ZNF532: variants seen among roughly 807,000 people sequenced by gnomAD.
ZNF532 encodes the protein zinc finger protein 532.
Under a neutral mutation model 89.3 loss-of-function variants are expected in ZNF532, and 22 were observed. The ratio of observed to expected loss-of-function variants is 0.25; its 90% confidence interval spans 0.18 to 0.35. The LOEUF is 0.35. ZNF532 is among the 10% of genes least tolerant of loss of function. ZNF532 has a pLI of 1.00. For synonymous variants in ZNF532, 606 were observed against 649.6 expected (o/e 0.93, Z 1.02); for missense variants, 1,132 against 1,643.4 (o/e 0.69, Z 5.38).
chr18:58,951,131 T>C (rs2064121957), intron 6 of ZNF532, among the ~76,000 whole-genome samples: 1 of 152,052 alleles, frequency 6.6e-6, no homozygotes, highest in South Asian at 2.1e-4. Context: ...GATTTTTGTA[T>C]TTTGTATTTT....
intron 7 of ZNF532, among the ~76,000 whole-genome samples, chr18:58,965,212 T>C (rs990243613): frequency 9.2e-5 from 14 of 152,232 alleles, no homozygotes; most frequent in East Asian, 1.9e-4. Flanking sequence ...TATTGAACTA[T>C]TGGTGATTTT....
At position 58,920,428 on chromosome 18, in the gene ZNF532, A is replaced by G. The variant is rs1359298255; in HGVS notation, c.2141A>G (p.His714Arg). The G allele has an allele frequency of 6.2e-7, 1 of 1,613,926 alleles. No individual in the cohort carries two copies. The highest frequency in any genetic ancestry group is 8.5e-7 in the Non-Finnish European group (1 of 1,179,858). ...CAGAGCCCTGTGGGAGCTGGCACAC[A>G]CACTGTCACAAAAATTCAGTCTGGC... ...TLQSPVGAGT[H>R]TVTKIQSGIT... Residue 714 changes from histidine to arginine, a missense_variant, in exon 3 of 10, where the codon CAC becomes CGC. Physicochemically the swap from His to Arg is conservative, Grantham distance 29. Coordinates refer to ENST00000591808, the MANE Select transcript of ZNF532 (RefSeq NM_001375912.1).
chr18:58,930,419 G>T (rs1261863779), intron 3 of ZNF532, among the ~76,000 whole-genome samples: 1 of 152,134 alleles, frequency 6.6e-6, no homozygotes, highest in Non-Finnish European at 1.5e-5. Context: ...CTGAGCTCAG[G>T]AGTTCGAGAC....
chr18:58,944,555 C>G (rs1181585311), intron 5 of ZNF532, among the ~76,000 whole-genome samples: 1 of 152,138 alleles, frequency 6.6e-6, no homozygotes, highest in Non-Finnish European at 1.5e-5. Flanking sequence ...TCACTGTTTC[C>G]TAGCACACGG....
chr18:58,944,309 C>T (rs2063468159), intron 5 of ZNF532, among the ~76,000 whole-genome samples: 1 of 152,124 alleles, frequency 6.6e-6, no homozygotes, highest in African/African-American at 2.4e-5. Context: ...TTGGTTTTAG[C>T]TTTTTATTCT....
At chr18:58,976,965 A>C (rs1234141137) in intron 7 of ZNF532, among the ~76,000 whole-genome samples, 1 of 152,228 alleles carries the variant, frequency 6.6e-6, no homozygotes, top group Admixed American at 6.5e-5. Flanking sequence ...TTGCTGCATA[A>C]ATGCTAATCC....
intron 2 of ZNF532, among the ~76,000 whole-genome samples, chr18:58,880,505 A>G (rs1287107228): frequency 6.6e-6 from 1 of 152,184 alleles, no homozygotes; most frequent in Non-Finnish European, 1.5e-5. Flanking sequence ...GCCAGAGTGG[A>G]TGAGCTCTTT....
At chr18:58,965,541 C>T (rs2065835962) in intron 7 of ZNF532, among the ~76,000 whole-genome samples, 1 of 152,202 alleles carries the variant, frequency 6.6e-6, no homozygotes, top group Admixed American at 6.5e-5. Flanking sequence ...TATGTCTTTC[C>T]ATCCAGTTTT....
At chr18:58,879,728 A>T (rs1005513576) in intron 2 of ZNF532, among the ~76,000 whole-genome samples, 1 of 152,144 alleles carries the variant, frequency 6.6e-6, no homozygotes, top group Non-Finnish European at 1.5e-5. Context: ...ACTCTTGTTC[A>T]TACATTAAAA....
At chr18:58,972,704 C>G (rs372588216) in intron 7 of ZNF532, among the ~76,000 whole-genome samples, 2 of 152,170 alleles carry the variant, frequency 1.3e-5, no homozygotes, top group East Asian at 1.9e-4. Context: ...TCGCTCGCCT[C>G]TATCCTCAGT....
chr18:58,972,574 C>T (rs1019164817), intron 7 of ZNF532, among the ~76,000 whole-genome samples: 10 of 152,064 alleles, frequency 6.6e-5, no homozygotes, highest in African/African-American at 2.2e-4. Flanking sequence ...CCTTCGTCAC[C>T]CACCCACCCC....
At chr18:58,888,256 A>C (rs1161842228) in intron 2 of ZNF532, among the ~76,000 whole-genome samples, 1 of 152,224 alleles carries the variant, frequency 6.6e-6, no homozygotes, top group Non-Finnish European at 1.5e-5. Flanking sequence ...GCAAACTGCA[A>C]ATCAGTCAAA....
chr18:58,910,346 A>C (rs2060202664), intron 2 of ZNF532, among the ~76,000 whole-genome samples: 1 of 152,140 alleles, frequency 6.6e-6, no homozygotes, highest in South Asian at 2.1e-4. Context: ...TGAACCCTTC[A>C]GTGTAGTCAT....
At chr18:58,869,848 C>T (rs1327466427) in intron 2 of ZNF532, among the ~76,000 whole-genome samples, 2 of 145,994 alleles carry the variant, frequency 1.4e-5, no homozygotes, top group Non-Finnish European at 3.0e-5. Context: ...CTCACTGCAA[C>T]CTCTGTCTCC....
At chr18:58,888,713 A>T (rs1280968550) in intron 2 of ZNF532, among the ~76,000 whole-genome samples, 333 of 17,698 alleles carry the variant, frequency 0.019, 31 homozygotes, top group Middle Eastern at 0.038. Context: ...ATATATATAT[A>T]TATATATATA....
intron 4 of ZNF532, among the ~76,000 whole-genome samples, chr18:58,936,830 G>A (rs1026876787): frequency 2.0e-5 from 3 of 152,170 alleles, no homozygotes; most frequent in South Asian, 2.1e-4. Context: ...TAGTAGCCCC[G>A]TGGCCTTGTC....
At chr18:58,876,362 G>A (rs1189026319) in intron 2 of ZNF532, among the ~76,000 whole-genome samples, 2 of 152,192 alleles carry the variant, frequency 1.3e-5, no homozygotes, top group Non-Finnish European at 2.9e-5. Flanking sequence ...GCTCTGAGTA[G>A]CAAGGCTCTC....
intron 7 of ZNF532, among the ~76,000 whole-genome samples, chr18:58,971,318 CTT>C (rs760145357): frequency 7.2e-5 from 11 of 152,106 alleles, no homozygotes; most frequent in Non-Finnish European, 1.2e-4. Flanking sequence ...TTATGACTGG[CTT>C]TAGATTATCT....
At chr18:58,942,122 A>T (rs1271846579) in intron 5 of ZNF532, among the ~76,000 whole-genome samples, 43 of 147,448 alleles carry the variant, frequency 2.9e-4, no homozygotes, top group Non-Finnish European at 5.5e-4. Flanking sequence ...TCCCGAGTTC[A>T]AGCCATTCTC....
Sources: gnomAD v4.1 joint callset for allele counts (sites outside exome capture counted in the v4.1 genomes callset) on GRCh38, gnomAD v4.1.1 for gene constraint, MANE v1.5 for transcripts, NCBI Gene and HGNC (gene_info 2026-07-23, HGNC 2026-07-21) for gene names.